MCPH1: variants seen among roughly 807,000 people sequenced by gnomAD.
The protein encoded by MCPH1 is microcephalin.
A neutral mutation model predicts 84.5 loss-of-function variants in MCPH1; 104 were observed. The ratio of observed to expected loss-of-function variants is 1.23; its 90% CI spans 1.05 to 1.45. MCPH1 has a LOEUF of 1.45. Ranked by LOEUF, MCPH1 falls within the 40% of genes most tolerant of loss-of-function variation. The pLI, the probability that MCPH1 is intolerant of heterozygous loss-of-function variation, is 0.00. For missense variants in MCPH1, 1,498 were observed against 1,005.7 expected, an observed-to-expected ratio of 1.49 and a Z score of -6.62; for synonymous variants, 514 against 366.8, an observed-to-expected ratio of 1.40 and a Z score of -4.58.
At chr8:6,489,190 A>T (rs949996265) in intron 11 of MCPH1, among the ~76,000 whole-genome samples, 1 of 152,188 alleles carries the variant, frequency 6.6e-6, no homozygotes, top group Non-Finnish European at 1.5e-5. Context: ...ACAAATATTC[A>T]GAGGAAAGGT....
chr8:6,576,809 C>A (rs1056632345), intron 12 of MCPH1, among the ~76,000 whole-genome samples: 1 of 147,000 alleles, frequency 6.8e-6, no homozygotes, highest in Non-Finnish European at 1.5e-5. Context: ...GTGAGCCACC[C>A]GCCTCGGCCT....
chr8:6,563,803 A>G (rs1825890338), intron 12 of MCPH1, among the ~76,000 whole-genome samples: 1 of 152,160 alleles, frequency 6.6e-6, no homozygotes, highest in African/African-American at 2.4e-5. Flanking sequence ...AGTTGGATAG[A>G]AAGATCTGTT....
chr8:6,414,168 C>T (rs958807279), intron 2 of MCPH1, among the ~76,000 whole-genome samples: 3 of 152,046 alleles, frequency 2.0e-5, no homozygotes, highest in Non-Finnish European at 4.4e-5. Flanking sequence ...ACCTTGCACC[C>T]GGATAATTTT....
intron 13 of MCPH1, among the ~76,000 whole-genome samples, chr8:6,640,079 TGTGTGTGTGTGTGTGTGTGCGCGCGC>T (rs1456394169): frequency 1.4e-5 from 2 of 144,342 alleles, no homozygotes; most frequent in South Asian, 4.4e-4. Flanking sequence ...TGTGTGTGTG[TGTGTGTGTGTGTGTGTGTGCGCGCGC>T]GTGTGTGTGT....
At chr8:6,483,087 G>A (rs1214898409) in intron 11 of MCPH1, among the ~76,000 whole-genome samples, 2 of 152,182 alleles carry the variant, frequency 1.3e-5, no homozygotes, top group African/African-American at 4.8e-5. Flanking sequence ...CCAGATGCAA[G>A]AATTCCATTG....
chr8:6,412,294 G>A (rs749341747), intron 2 of MCPH1, among the ~76,000 whole-genome samples: 3 of 152,212 alleles, frequency 2.0e-5, no homozygotes, highest in Non-Finnish European at 2.9e-5. Flanking sequence ...AGGAACTACT[G>A]TGAATAAGAA....
chr8:6,436,432 G>A lies in MCPH1; in HGVS notation c.436+270G>A, dbSNP rs1260377207. On this transcript the variant is annotated intron_variant, in intron 5 of 13. Coordinates refer to ENST00000344683, the MANE Select transcript of MCPH1 (RefSeq NM_024596.5). ...TTTCGGGAATGATTTCAGAAGAAAA[G>A]CAAACTTTGGCTAATAAGCATTATT... 1.3e-5 allele frequency among the ~76,000 whole-genome samples: 2 copies of A among 152,108 alleles called. 1 individual carries two copies. The highest frequency in any genetic ancestry group is 2.9e-5 in the Non-Finnish European group (2 of 68,018).
chr8:6,552,288 A>G (rs889013467), intron 12 of MCPH1, among the ~76,000 whole-genome samples: 2 of 152,226 alleles, frequency 1.3e-5, no homozygotes, highest in Non-Finnish European at 2.9e-5. Flanking sequence ...GAAATTACAT[A>G]TGACGATGGA....
At chr8:6,575,784 G>T (rs188823716) in intron 12 of MCPH1, among the ~76,000 whole-genome samples, 1 of 152,162 alleles carries the variant, frequency 6.6e-6, no homozygotes, top group Non-Finnish European at 1.5e-5. Flanking sequence ...ACAGATACAG[G>T]AGGAACGCCT....
intron 12 of MCPH1, among the ~76,000 whole-genome samples, chr8:6,608,930 C>T (rs188637392): frequency 6.6e-6 from 1 of 152,308 alleles, no homozygotes; most frequent in Non-Finnish European, 1.5e-5. Context: ...AACATTCTAA[C>T]AGCTTCCCAG....
intron 7 of MCPH1, among the ~76,000 whole-genome samples, chr8:6,442,722 C>G (rs543185122): frequency 6.6e-6 from 1 of 152,324 alleles, no homozygotes; most frequent in African/African-American, 2.4e-5. Context: ...TACCAAATTT[C>G]TTACAGTTTC....
chr8:6,448,647 A>G (rs117101967), intron 8 of MCPH1, among the ~76,000 whole-genome samples: 2 of 152,372 alleles, frequency 1.3e-5, no homozygotes, highest in Non-Finnish European at 2.9e-5. Flanking sequence ...GTCTACAAGC[A>G]TACAACTGCA....
intron 11 of MCPH1, among the ~76,000 whole-genome samples, chr8:6,495,042 C>G (rs1390695449): frequency 6.6e-6 from 1 of 152,122 alleles, no homozygotes; most frequent in Admixed American, 6.5e-5. Context: ...GTTGGAAATA[C>G]AGAAGAATAG....
At chr8:6,490,372 T>G (rs574560821) in intron 11 of MCPH1, among the ~76,000 whole-genome samples, 39 of 152,214 alleles carry the variant, frequency 2.6e-4, no homozygotes, top group Non-Finnish European at 4.7e-4. Flanking sequence ...TAGATGTCAT[T>G]TAGATGTTCC....
At chr8:6,513,652 C>G in intron 12 of MCPH1, 1 of 1,583,342 alleles carries the variant, frequency 6.3e-7, no homozygotes, top group Admixed American at 1.8e-5. Context: ...TTAATTTTTT[C>G]TTTCAATTAC....
intron 12 of MCPH1, among the ~76,000 whole-genome samples, chr8:6,536,481 C>G (rs1207619742): frequency 6.6e-6 from 1 of 152,082 alleles, no homozygotes; most frequent in Non-Finnish European, 1.5e-5. Context: ...CTTAAGAAAA[C>G]AGACAGACCA....
intron 12 of MCPH1, among the ~76,000 whole-genome samples, chr8:6,613,765 C>T (rs1246348043): frequency 1.3e-5 from 2 of 152,048 alleles, no homozygotes; most frequent in Non-Finnish European, 2.9e-5. Context: ...TGGGCACCCC[C>T]GTCTAGCAGC....
intron 12 of MCPH1, chr8:6,503,394 A>T: frequency 1.2e-6 from 1 of 840,254 alleles, no homozygotes; most frequent in Non-Finnish European, 1.9e-6. Flanking sequence ...GATGGTGAGT[A>T]TAGGATGTGC....
intron 12 of MCPH1, among the ~76,000 whole-genome samples, chr8:6,587,527 AT>A (rs1828094146): frequency 6.6e-6 from 1 of 152,214 alleles, no homozygotes; most frequent in Admixed American, 6.5e-5. Flanking sequence ...ATTGCTGGAC[AT>A]TGAATTCTTT....
Sources: gnomAD v4.1 joint callset for allele counts (sites outside exome capture counted in the v4.1 genomes callset) on GRCh38, gnomAD v4.1.1 for gene constraint, MANE v1.5 for transcripts, NCBI Gene and HGNC (gene_info 2026-07-23, HGNC 2026-07-21) for gene names.